CFAP299: variants seen among roughly 807,000 people sequenced by gnomAD.
CFAP299 encodes cilia and flagella associated protein 299.
In CFAP299, 21 loss-of-function variants were observed where a neutral mutation model predicts 27.0. The observed-to-expected ratio is 0.78, with a 90% CI of 0.55 to 1.12. CFAP299 has a LOEUF of 1.12. Ranked by LOEUF, CFAP299 falls within the 50% of genes most tolerant of loss-of-function variation. The pLI is 0.00. For missense variants in CFAP299, 310 were observed against 276.6 expected, an observed-to-expected ratio of 1.12 and a Z score of -0.86; for synonymous variants, 104 against 98.1, an observed-to-expected ratio of 1.06 and a Z score of -0.36.
At chr4:80,793,422 G>T (rs1471874277) in intron 3 of CFAP299, among the ~76,000 whole-genome samples, 1 of 151,950 alleles carries the variant, frequency 6.6e-6, no homozygotes, top group Admixed American at 6.6e-5. Context: ...TGATTAAAAT[G>T]TTAATCTCCT....
At chr4:80,370,434 A>T (rs145973922) in intron 2 of CFAP299, among the ~76,000 whole-genome samples, 2 of 152,252 alleles carry the variant, frequency 1.3e-5, no homozygotes, top group East Asian at 3.9e-4. Flanking sequence ...AACTCATTCC[A>T]CTATTAACCC....
chr4:80,926,928 T>C (rs1008864935), intron 4 of CFAP299, among the ~76,000 whole-genome samples: 6 of 152,076 alleles, frequency 3.9e-5, no homozygotes, highest in Non-Finnish European at 8.8e-5. Context: ...GCTGTACTTA[T>C]TTCACCTGAA....
intron 5 of CFAP299, among the ~76,000 whole-genome samples, chr4:80,951,715 T>G (rs1456825475): frequency 6.6e-6 from 1 of 152,224 alleles, no homozygotes; most frequent in Non-Finnish European, 1.5e-5. Context: ...TAGCTGGATT[T>G]TATATCCACT....
chr4:80,402,227 G>A (rs2110051057), intron 2 of CFAP299, among the ~76,000 whole-genome samples: 1 of 152,222 alleles, frequency 6.6e-6, no homozygotes, highest in African/African-American at 2.4e-5. Flanking sequence ...AGGAAGGCAT[G>A]ATTTGTTTTG....
At chr4:80,936,415 A>G (rs1736892553) in intron 4 of CFAP299, among the ~76,000 whole-genome samples, 1 of 152,146 alleles carries the variant, frequency 6.6e-6, no homozygotes, top group Non-Finnish European at 1.5e-5. Flanking sequence ...CAAGATAAAG[A>G]AAACGTAGTA....
intron 3 of CFAP299, among the ~76,000 whole-genome samples, chr4:80,822,978 G>A (rs1729787611): frequency 6.6e-6 from 1 of 152,072 alleles, no homozygotes; most frequent in Non-Finnish European, 1.5e-5. Context: ...GAAGTTTTAG[G>A]AATAGTCCAA....
At chr4:80,387,846 T>G in intron 2 of CFAP299, 2 of 1,373,422 alleles carry the variant, frequency 1.5e-6, no homozygotes, top group Non-Finnish European at 2.1e-6. Flanking sequence ...CCCTGGTACC[T>G]TTAGCCCGTG....
intron 4 of CFAP299, among the ~76,000 whole-genome samples, chr4:80,905,985 C>A (rs1578228693): frequency 6.6e-6 from 1 of 152,204 alleles, no homozygotes; most frequent in East Asian, 1.9e-4. Context: ...AAAGTCTTAG[C>A]ACATTCTAGC....
intron 3 of CFAP299, among the ~76,000 whole-genome samples, chr4:80,611,615 C>T (rs1397353854): frequency 6.6e-6 from 1 of 152,054 alleles, no homozygotes; most frequent in Admixed American, 6.6e-5. Context: ...CCAGACCACA[C>T]CTGCATTGGG....
At chr4:80,917,585 G>T (rs1735828507) in intron 4 of CFAP299, among the ~76,000 whole-genome samples, 1 of 151,980 alleles carries the variant, frequency 6.6e-6, no homozygotes, top group South Asian at 2.1e-4. Context: ...CCAGAATTTT[G>T]GCTAACCTTT....
intron 2 of CFAP299, among the ~76,000 whole-genome samples, chr4:80,456,626 T>C (rs1729174812): frequency 1.3e-5 from 2 of 152,172 alleles, no homozygotes; most frequent in African/African-American, 4.8e-5. Flanking sequence ...AAGAGAAGGA[T>C]ACATGGAGGA....
chr4:80,696,171 C>T (rs1429368536), intron 3 of CFAP299, among the ~76,000 whole-genome samples: 5 of 151,648 alleles, frequency 3.3e-5, no homozygotes, highest in Admixed American at 6.6e-5. Context: ...CATGGTGGCA[C>T]GCACGTGTAA....
chr4:80,765,080 TATA>T (rs377457062), intron 3 of CFAP299, among the ~76,000 whole-genome samples: 22 of 151,650 alleles, frequency 1.5e-4, no homozygotes, highest in Non-Finnish European at 1.0e-4. Context: ...TCCCAGAACT[TATA>T]ATAATAATAA....
chr4:80,487,973 G>A (rs1177745207), intron 2 of CFAP299, among the ~76,000 whole-genome samples: 2 of 152,146 alleles, frequency 1.3e-5, no homozygotes, highest in African/African-American at 4.8e-5. Flanking sequence ...ATAGCATATA[G>A]CACCTCCAAA....
chr4:80,920,687 A>C (rs1451583893), intron 4 of CFAP299, among the ~76,000 whole-genome samples: 1 of 152,094 alleles, frequency 6.6e-6, no homozygotes, highest in African/African-American at 2.4e-5. Flanking sequence ...AATGTCCAGA[A>C]TTTCTCTGAA....
chr4:80,571,453 T>A (rs1735576402), intron 2 of CFAP299, among the ~76,000 whole-genome samples: 1 of 152,008 alleles, frequency 6.6e-6, no homozygotes, highest in African/African-American at 2.4e-5. Context: ...TTAGCTCACA[T>A]GATGAAAAAA....
At chr4:80,677,584 T>G (rs187140836) in intron 3 of CFAP299, among the ~76,000 whole-genome samples, 2 of 152,188 alleles carry the variant, frequency 1.3e-5, no homozygotes, top group African/African-American at 4.8e-5. Flanking sequence ...TCCTCTCAAA[T>G]CATATCATTA....
chr4:80,683,826 T>C (rs1720001516), intron 3 of CFAP299, among the ~76,000 whole-genome samples: 1 of 152,240 alleles, frequency 6.6e-6, no homozygotes, highest in South Asian at 2.1e-4. Flanking sequence ...CAGTACCTTA[T>C]CCACAGCAGA....
At chr4:80,690,976 T>A (rs1268420425) in intron 3 of CFAP299, among the ~76,000 whole-genome samples, 1 of 148,568 alleles carries the variant, frequency 6.7e-6, no homozygotes, top group Non-Finnish European at 1.5e-5. Flanking sequence ...ACATACACTA[T>A]CCCAAGACTA....
Sources: allele counts gnomAD v4.1 joint callset (sites outside exome capture counted in the v4.1 genomes callset), GRCh38; gene constraint gnomAD v4.1.1; transcripts MANE v1.5; gene names NCBI Gene and HGNC (gene_info 2026-07-23, HGNC 2026-07-21).